DOCK8: variants seen among roughly 807,000 people sequenced by gnomAD.
DOCK8 encodes the protein dedicator of cytokinesis protein 8.
A neutral mutation model predicts 245.6 loss-of-function variants in DOCK8; 141 were observed. That is an observed-to-expected ratio of 0.57 (90% CI 0.50 to 0.66). The LOEUF (loss-of-function observed/expected upper bound fraction) is 0.66, where lower values mean the gene tolerates loss of function less well. DOCK8 is among the 30% of genes least tolerant of loss of function. The pLI, the probability that DOCK8 is intolerant of heterozygous loss-of-function variation, is 0.00. For synonymous variants in DOCK8, 1,168 were observed against 970.2 expected, an observed-to-expected ratio of 1.20 and a Z score of -3.79; for missense variants, 2,965 against 2,603.4, an observed-to-expected ratio of 1.14 and a Z score of -3.02.
At chr9:444,893 C>T (rs1276594447) in intron 43 of DOCK8, among the ~76,000 whole-genome samples, 1 of 152,200 alleles carries the variant, frequency 6.6e-6, no homozygotes, top group African/African-American at 2.4e-5. Context: ...GGAAATAGTG[C>T]AAGTGCAAGG....
chr9:288,699 A>C (rs1052178406), intron 3 of DOCK8, among the ~76,000 whole-genome samples: 9 of 152,232 alleles, frequency 5.9e-5, no homozygotes, highest in Non-Finnish European at 4.4e-5. Context: ...ACTGAGGCAC[A>C]GAAGGGTTGA....
intron 14 of DOCK8, among the ~76,000 whole-genome samples, chr9:342,727 C>G (rs1158305295): frequency 1.3e-5 from 2 of 152,144 alleles, no homozygotes; most frequent in Non-Finnish European, 2.9e-5. Context: ...CTCGGCCTCC[C>G]AAAGTGCTGG....
intron 40 of DOCK8, among the ~76,000 whole-genome samples, chr9:440,652 AT>A (rs1564072016): frequency 6.6e-6 from 1 of 152,186 alleles, no homozygotes; most frequent in Non-Finnish European, 1.5e-5. Context: ...CTCTGATGAA[AT>A]TTAAATATAC....
intron 39 of DOCK8, among the ~76,000 whole-genome samples, chr9:435,585 T>G (rs2056871737): frequency 6.6e-6 from 1 of 152,178 alleles, no homozygotes; most frequent in African/African-American, 2.4e-5. Flanking sequence ...ATTCCACTCT[T>G]CAACTTTATA....
rs151214008 is a variant in DOCK8 at position 227,976 on chromosome 9, A to T, written c.53+12947A>T. Among the ~76,000 whole-genome samples the T allele has an allele frequency of 5.2e-3, 787 of 152,244 alleles. 5 individuals carry two copies. Among genetic ancestry groups the T allele is most frequent in the Middle Eastern group, 0.024 (7 of 294 alleles). On this transcript the variant is annotated intron_variant, in intron 1 of 47. Transcript: ENST00000432829. ...AATTATGAGGGCAAAGAGCCATTGG[A>T]TTTACCCTGAAGGTGGTCATTGAAA... is the stretch of plus-strand genomic sequence containing the variant.
At chr9:462,959 T>C (rs1213969640) in intron 46 of DOCK8, among the ~76,000 whole-genome samples, 7 of 152,242 alleles carry the variant, frequency 4.6e-5, no homozygotes, top group Non-Finnish European at 8.8e-5. Context: ...AGATAAATGC[T>C]GACTTTTTAG....
chr9:294,848 C>G (rs1396640725), intron 4 of DOCK8, among the ~76,000 whole-genome samples: 4 of 152,136 alleles, frequency 2.6e-5, no homozygotes, highest in Admixed American at 6.5e-5. Flanking sequence ...ATCTCAGATA[C>G]AGTATGCTAA....
intron 40 of DOCK8, among the ~76,000 whole-genome samples, chr9:439,982 C>T (rs2057037468): frequency 1.3e-5 from 2 of 152,130 alleles, no homozygotes; most frequent in Admixed American, 1.3e-4. Context: ...GAGATGAAGT[C>T]ATTGAGATTC....
chr9:431,522 A>G (rs943470213), intron 36 of DOCK8, among the ~76,000 whole-genome samples: 8 of 151,926 alleles, frequency 5.3e-5, no homozygotes, highest in Non-Finnish European at 1.0e-4. Flanking sequence ...TGATTTATTT[A>G]TTTAGAGACA....
At chr9:273,019 T>TA in intron 2 of DOCK8, 1 of 985,266 alleles carries the variant, frequency 1.0e-6, no homozygotes, top group Non-Finnish European at 1.2e-6. Context: ...AGAAATTTTG[T>TA]AACCTTCCGC....
At chr9:434,032 G>A (rs2056810274) in intron 38 of DOCK8, 57 bp downstream of exon 38, 1 of 1,249,944 alleles carries the variant, frequency 8.0e-7, no homozygotes. Flanking sequence ...ATTTGTCACT[G>A]TGGAGTTCTT....
At chr9:440,245 C>T (rs2057051536) in intron 40 of DOCK8, among the ~76,000 whole-genome samples, 1 of 152,300 alleles carries the variant, frequency 6.6e-6, no homozygotes, top group East Asian at 1.9e-4. Flanking sequence ...GTCTCAAACT[C>T]CTGGCCTCAA....
At chr9:337,983 G>A (rs1413349141) in intron 12 of DOCK8, among the ~76,000 whole-genome samples, 6 of 152,006 alleles carry the variant, frequency 3.9e-5, no homozygotes, top group African/African-American at 9.7e-5. Context: ...GTGAACCCCC[G>A]TCTCTACTAA....
chr9:274,703 T>G (rs2048277799), intron 2 of DOCK8, among the ~76,000 whole-genome samples: 1 of 152,182 alleles, frequency 6.6e-6, no homozygotes, highest in Non-Finnish European at 1.5e-5. Context: ...ATGGAACATG[T>G]CGGTAAGATT....
intron 1 of DOCK8, among the ~76,000 whole-genome samples, chr9:256,820 T>C (rs544680803): frequency 2.6e-5 from 4 of 152,270 alleles, no homozygotes; most frequent in African/African-American, 7.2e-5. Flanking sequence ...CAGAGGCTTT[T>C]GTCTGCTTTC....
chr9:397,084 C>T (rs1243101931), intron 25 of DOCK8, 150 bp downstream of exon 25: 18 of 1,004,800 alleles, frequency 1.8e-5, no homozygotes, highest in African/African-American at 6.5e-5. Flanking sequence ...TGGACTGGAC[C>T]CTGATGTGGG....
intron 14 of DOCK8, among the ~76,000 whole-genome samples, chr9:342,573 G>A (rs1586749120): frequency 6.6e-6 from 1 of 151,994 alleles, no homozygotes; most frequent in East Asian, 1.9e-4. Context: ...AGGTTCAAAC[G>A]ATTCTCCTGA....
At chr9:419,162 A>T (rs927897239) in intron 30 of DOCK8, among the ~76,000 whole-genome samples, 1 of 152,218 alleles carries the variant, frequency 6.6e-6, no homozygotes, top group South Asian at 2.1e-4. Flanking sequence ...AATGTAGGGT[A>T]TAGATGTGCA....
chr9:270,882 C>T (rs1404986360), intron 1 of DOCK8, among the ~76,000 whole-genome samples: 4 of 152,224 alleles, frequency 2.6e-5, no homozygotes, highest in African/African-American at 7.2e-5. Context: ...AATGAGAAAA[C>T]GTGCTCTGAG....
Sources: allele counts gnomAD v4.1 joint callset (sites outside exome capture counted in the v4.1 genomes callset), GRCh38; gene constraint gnomAD v4.1.1; transcripts MANE v1.5; gene names NCBI Gene and HGNC (gene_info 2026-07-23, HGNC 2026-07-21).